The following SLC34A2 variants were observed in gnomAD, a reference collection of about 807,000 sequenced individuals.
SLC34A2 encodes solute carrier family 34 member 2, also known as sodium-dependent phosphate transport protein 2B.
Under a neutral mutation model 50.8 loss-of-function variants are expected in SLC34A2, and 41 were observed. That is an observed-to-expected ratio of 0.81 (90% CI 0.63 to 1.05). The LOEUF is 1.05. Among genes scored for constraint, SLC34A2 ranks in the 50% least tolerant of loss-of-function variants. SLC34A2 has a pLI of 0.00. For missense variants in SLC34A2, 879 were observed against 876.7 expected (o/e 1.00, Z -0.03); for synonymous variants, 401 against 364.2 (o/e 1.10, Z -1.15).
chr4:25,665,064 C>A, intron 4 of SLC34A2: 1 of 224,868 alleles, frequency 4.4e-6, no homozygotes, highest in East Asian at 6.4e-5. Flanking sequence ...TTCTGCAACC[C>A]TTGGTGCCTT....
At chr4:25,672,955 T>A (rs1046031497) in intron 9 of SLC34A2, 132 bp from the exon 10 acceptor site, 1 of 943,190 alleles carries the variant, frequency 1.1e-6, no homozygotes, top group Non-Finnish European at 1.7e-6. Context: ...CTGTCTTGAT[T>A]TGGGGCTGCC....
intron 9 of SLC34A2, 141 bp downstream of exon 9, chr4:25,671,862 T>TG: frequency 8.4e-7 from 1 of 1,191,566 alleles, no homozygotes; most frequent in Non-Finnish European, 1.2e-6. Context: ...GTGAGCAACA[T>TG]GCTTTCACAG....
chr4:25,660,229 G>A (rs1475324654), intron 1 of SLC34A2, among the ~76,000 whole-genome samples: 1 of 152,214 alleles, frequency 6.6e-6, no homozygotes, highest in African/African-American at 2.4e-5. Flanking sequence ...TTTGCAGTCT[G>A]GTAAGCAGGA....
At position 25,677,563 on chromosome 4, in the gene SLC34A2, T is replaced by C. The variant is rs1238820801; in HGVS notation, c.*814T>C. On this transcript the variant is annotated 3_prime_UTR_variant, in exon 13 of 13. Transcript: ENST00000382051. Reference sequence around the variant, plus strand: ...TGCCAAAAGGGCCCCAGATTCTTAATTTAGCAAACTAAGAAGCCCAATTCA... The same window carrying C: ...TGCCAAAAGGGCCCCAGATTCTTAACTTAGCAAACTAAGAAGCCCAATTCA... The C allele has an allele frequency of 6.6e-6, 1 of 152,224 alleles. No individual in the cohort carries two copies. Among genetic ancestry groups the C allele is most frequent in the Non-Finnish European group, 1.5e-5 (1 of 68,048 alleles). The allele number at this position is 152,224 out of a possible 1,614,324, so 9.4% of individuals were successfully genotyped here.
chr4:25,676,546 G>A lies in SLC34A2; in HGVS notation c.1870G>A (p.Val624Met), dbSNP rs372833249. The A allele has an allele frequency of 1.2e-6, 2 of 1,612,960 alleles. No individual in the cohort carries two copies. Among genetic ancestry groups the A allele is most frequent in the Non-Finnish European group, 1.7e-6 (2 of 1,179,188 alleles). ...GATGCGCTGCTGCTGCTGCTGCCGC[G>A]TGTGCTGCCGCGCGTGCTGCTTGCT... is the stretch of plus-strand genomic sequence containing the variant. Reference protein sequence around the residue: ...FQMRCCCCCRVCCRACCLLCD... With the variant: ...FQMRCCCCCRMCCRACCLLCD... The change falls in exon 13 of 13, where the codon GTG (valine) becomes ATG (methionine). Residue 624 changes from valine (V) to methionine (M), a missense_variant. Transcript: ENST00000382051.
In SLC34A2 at chr4:25,674,603, G is replaced by C; in HGVS notation, c.1432G>C (p.Gly478Arg). ...CATCCTGGCCGCCTTAGCCAGCCCT[G>C]GCAATGCATTGAGGAGTTCACTCCA... ...TAILAALASPGNALRSSLQIA... is the reference protein window; with the variant it reads ...TAILAALASPRNALRSSLQIA... The change falls in exon 12 of 13, where the codon GGC (glycine) becomes CGC (arginine). Residue 478 changes from glycine (G) to arginine (R), a missense_variant. Transcript: ENST00000382051. 6.2e-7 allele frequency: 1 copy of C among 1,614,212 alleles called. No homozygotes were observed. The highest frequency in any genetic ancestry group is 8.5e-7 in the Non-Finnish European group (1 of 1,180,040).
chr4:25,664,352 G>A, intron 4 of SLC34A2, 22 bp downstream of exon 4: 1 of 1,613,840 alleles, frequency 6.2e-7, no homozygotes, highest in Non-Finnish European at 8.5e-7. Context: ...AGGGTGAGAG[G>A]TCTGCGGGTG....
chr4:25,671,440 A>G (rs1451152877), intron 8 of SLC34A2, among the ~76,000 whole-genome samples, 161 bp from the exon 9 acceptor site: 1 of 152,158 alleles, frequency 6.6e-6, no homozygotes, highest in Non-Finnish European at 1.5e-5. Flanking sequence ...ATTTCTAATA[A>G]AGGTGAGAAA....
chr4:25,676,005 A>G (rs1023343287), intron 12 of SLC34A2, 130 bp from the exon 13 acceptor site: 6 of 1,452,484 alleles, frequency 4.1e-6, no homozygotes, highest in Non-Finnish European at 5.6e-6. Context: ...AGCCATAAGG[A>G]CAAAGAAGGC....
chr4:25,660,355 T>G (rs1714114161), intron 1 of SLC34A2, among the ~76,000 whole-genome samples: 1 of 152,166 alleles, frequency 6.6e-6, no homozygotes, highest in African/African-American at 2.4e-5. Context: ...ATTCCTAGCT[T>G]CCTGATTCCT....
chr4:25,671,487 C>A, intron 8 of SLC34A2, 114 bp from the exon 9 acceptor site: 2 of 1,244,786 alleles, frequency 1.6e-6, no homozygotes, highest in East Asian at 2.3e-5. Flanking sequence ...CTGTTGGGGC[C>A]ATACTGCATG....
Position 25,671,585 on chromosome 4 carries a change from C to CT in SLC34A2, c.928-16_928-15insT. On this transcript the variant is annotated splice_polypyrimidine_tract_variant and intron_variant, in intron 8 of 12. Transcript: ENST00000382051. ...AAAAGCCAGTGTTGTGGGCATTTGTCATGTTTGTCATCCAGACCCAGATTA... is the reference window on the plus strand; with the variant it reads ...AAAAGCCAGTGTTGTGGGCATTTGTCTATGTTTGTCATCCAGACCCAGATTA... 6.2e-7 allele frequency: 1 copy of CT among 1,614,008 alleles called. No homozygotes were observed. Among genetic ancestry groups the CT allele is most frequent in the South Asian group, 1.1e-5 (1 of 91,060 alleles).
chr4:25,667,044 C>T (rs1577496022), intron 5 of SLC34A2: 1 of 152,170 alleles, frequency 6.6e-6, no homozygotes, highest in Non-Finnish European at 1.5e-5. Flanking sequence ...TATTTTTCTT[C>T]CCAAGCTAGC....
At position 25,664,279 on chromosome 4, in the gene SLC34A2, T is replaced by G. The variant is rs946695348; in HGVS notation, c.328T>G (p.Phe110Val). ...GATTTTACTTCTCGGATTTCTCTAC[T>G]TTTTCGTGTGCTCCCTGGATATTCT... ...RLILLLGFLY[F>V]FVCSLDILSS... Residue 110 changes from phenylalanine (F) to valine (V), a missense_variant, in exon 4 of 13, where the codon TTT (phenylalanine) becomes GTT (valine). Physicochemically the swap from Phe to Val is conservative, Grantham distance 50 (BLOSUM62 -1). Transcript: ENST00000382051. 1.2e-6 allele frequency: 2 copies of G among 1,613,748 alleles called. No individual in the cohort carries two copies. Among genetic ancestry groups the G allele is most frequent in the African/African-American group, 2.7e-5 (2 of 74,860 alleles).
At chr4:25,674,433 T>C in intron 11 of SLC34A2, 21 bp downstream of exon 11, 17 of 1,614,160 alleles carry the variant, frequency 1.1e-5, no homozygotes, top group Non-Finnish European at 1.4e-5. Flanking sequence ...CCCTGGCTTC[T>C]CCCTCTGGCC....
chr4:25,657,154 A>C (rs760238683), intron 1 of SLC34A2, among the ~76,000 whole-genome samples: 9 of 152,306 alleles, frequency 5.9e-5, no homozygotes, highest in Middle Eastern at 3.4e-3. Context: ...CAAATTGCTC[A>C]ACTGTCTCAA....
chr4:25,672,833 G>C (rs566970151), intron 9 of SLC34A2, among the ~76,000 whole-genome samples: 1 of 152,104 alleles, frequency 6.6e-6, no homozygotes, highest in South Asian at 2.1e-4. Flanking sequence ...GTCTACCCCT[G>C]AACAGTTGTG....
rs1201666944 is a variant in SLC34A2 at position 25,663,214 on chromosome 4, A to G, written c.250+372A>G. On this transcript the variant is annotated intron_variant, in intron 3 of 12. Transcript: ENST00000382051. ...CGTGATCCACCCTCCTCGACCTTCC[A>G]AAGTGCTGAGATTACAGGCATGAGC... Among the ~76,000 whole-genome samples the G allele has an allele frequency of 3.9e-5, 6 of 152,078 alleles. No homozygotes were observed. In the South Asian group the frequency reaches 1.2e-3, roughly 32 times the overall value.
intron 1 of SLC34A2, among the ~76,000 whole-genome samples, chr4:25,657,763 T>C (rs749476630): frequency 1.3e-5 from 2 of 152,186 alleles, no homozygotes; most frequent in Non-Finnish European, 2.9e-5. Context: ...GAGATTATTA[T>C]TAGCAGTAAT....
Sources: gnomAD v4.1 joint callset for allele counts (sites outside exome capture counted in the v4.1 genomes callset) on GRCh38, gnomAD v4.1.1 for gene constraint, MANE v1.5 for transcripts, NCBI Gene and HGNC (gene_info 2026-07-23, HGNC 2026-07-21) for gene names.